Variants in C1orf185 observed in about 807,000 individuals in gnomAD.
C1orf185 encodes the protein chromosome 1 open reading frame 185, also known as uncharacterized protein C1orf185.
In C1orf185, 13 loss-of-function variants were observed where a neutral mutation model predicts 16.1. The observed-to-expected ratio is 0.81, with a 90% CI of 0.53 to 1.28. The LOEUF is 1.28. Ranked by LOEUF, C1orf185 falls within the 50% of genes most tolerant of loss-of-function variation. The pLI is 0.00. For synonymous variants in C1orf185, 80 were observed against 76.9 expected, an observed-to-expected ratio of 1.04 and a Z score of -0.21; for missense variants, 220 against 225.2, an observed-to-expected ratio of 0.98 and a Z score of 0.15.
At chr1:51,110,253 T>C (rs1646106249) in intron 1 of C1orf185, among the ~76,000 whole-genome samples, 1 of 152,218 alleles carries the variant, frequency 6.6e-6, no homozygotes, top group East Asian at 1.9e-4. Flanking sequence ...TAAAGCACTT[T>C]GAATAGTGCC....
At position 51,147,512 on chromosome 1, in the gene C1orf185, A is replaced by G. The variant is rs552051806; in HGVS notation, c.341A>G (p.Asn114Ser). Reference protein sequence around the residue: ...SKDEPQLATKNIICDPSETSS... With the variant: ...SKDEPQLATKSIICDPSETSS... Reference sequence around the variant, plus strand: ...GATGAACCCCAACTTGCAACAAAAAATATCATTTGTGATCCCTCAGAGACC... The same window carrying G: ...GATGAACCCCAACTTGCAACAAAAAGTATCATTTGTGATCCCTCAGAGACC... Residue 114 changes from asparagine (N) to serine (S), a missense_variant, in exon 5 of 5, where the codon AAT becomes AGT. Asn to Ser is a conservative substitution (Grantham distance 46). Coordinates refer to ENST00000371759, the MANE Select transcript of C1orf185 (RefSeq NM_001136508.2). The G allele has an allele frequency of 2.2e-4, 333 of 1,544,002 alleles. 1 individual carries two copies. The highest frequency in any genetic ancestry group is 8.2e-4 in the Admixed American group (40 of 48,870).
intron 2 of C1orf185, among the ~76,000 whole-genome samples, chr1:51,116,399 C>T (rs1346612792): frequency 1.3e-5 from 2 of 151,402 alleles, no homozygotes; most frequent in African/African-American, 4.9e-5. Context: ...CTGCAACCTC[C>T]GCCTCCCAGG....
rs576034643 is a variant in C1orf185 at position 51,135,586 on chromosome 1, C to G, written c.259-10138C>G. ...GATTATTTCAATAGATGCCGAAAAG[C>G]CTTTCAATAAAATTTAACACAACTT... On this transcript the variant is annotated intron_variant, in intron 3 of 4. Coordinates refer to ENST00000371759, the MANE Select transcript of C1orf185 (RefSeq NM_001136508.2). 2.0e-5 allele frequency among the ~76,000 whole-genome samples: 3 copies of G among 152,164 alleles called. No homozygotes were observed. The East Asian group carries it at 5.8e-4, about 29-fold the overall frequency.
chr1:51,112,638 T>G (rs927961506), intron 2 of C1orf185, 69 bp downstream of exon 2: 1 of 1,343,778 alleles, frequency 7.4e-7, no homozygotes, highest in Middle Eastern at 2.1e-4. Context: ...CTTTTTCAAA[T>G]GGAAGTAAAC....
intron 3 of C1orf185, among the ~76,000 whole-genome samples, chr1:51,137,867 AG>A (rs1646337794): frequency 6.6e-6 from 1 of 152,244 alleles, no homozygotes; most frequent in Non-Finnish European, 1.5e-5. Context: ...AATACTATGC[AG>A]CCATAAAAAA....
rs201997222 is a variant in C1orf185 at position 51,112,583 on chromosome 1, G to A, written c.122+14G>A. 8.6e-5 allele frequency: 130 copies of A among 1,509,224 alleles called. No homozygotes were observed. Among genetic ancestry groups the A allele is most frequent in the Non-Finnish European group, 1.1e-4 (121 of 1,126,946 alleles). The allele number at this position is 1,509,224 out of a possible 1,614,324, so 93.5% of individuals were successfully genotyped here. The stretch of plus-strand genomic sequence containing the variant: ...TTGCAAACGAAGGTAAGGATTATTC[G>A]AATATTTCTTTAACCTTTTTTTCTT... On this transcript the variant is annotated intron_variant, in intron 2 of 4. Transcript: ENST00000371759.
rs1280832809 is a variant in C1orf185, at chr1:51,147,456, T to A, written c.296-11T>A. 1 of 1,500,496 alleles carries A rather than the reference T, an allele frequency of 6.7e-7. No homozygotes were observed. The highest frequency in any genetic ancestry group is 2.5e-5 in the East Asian group (1 of 40,626). 92.9% of individuals were successfully genotyped at this position (1,500,496 alleles called of 1,614,324 possible). On this transcript the variant is annotated splice_polypyrimidine_tract_variant and intron_variant, in intron 4 of 4. Coordinates refer to ENST00000371759, the MANE Select transcript of C1orf185 (RefSeq NM_001136508.2). ...GAATATATAATATTCATAGTAAATC[T>A]GTTTTTACAGCAATTAAAGATCATT... is the stretch of plus-strand genomic sequence containing the variant.
At chr1:51,111,626 T>C (rs1462526133) in intron 1 of C1orf185, among the ~76,000 whole-genome samples, 1 of 151,776 alleles carries the variant, frequency 6.6e-6, no homozygotes, top group Non-Finnish European at 1.5e-5. Flanking sequence ...TTCCAGTGAT[T>C]CTCCTGCCTC....
chr1:51,114,318 C>T (rs1008221400), intron 2 of C1orf185, among the ~76,000 whole-genome samples: 6 of 152,218 alleles, frequency 3.9e-5, no homozygotes, highest in South Asian at 2.1e-4. Context: ...GCACCGTCAT[C>T]GTAATAGCTA....
In C1orf185 at chr1:51,119,739, G is replaced by T. The variant is rs186447580; in HGVS notation, c.258+938G>T. Among the ~76,000 whole-genome samples the T allele has an allele frequency of 3.9e-3, 597 of 152,314 alleles. 1 individual carries two copies. The highest frequency in any genetic ancestry group is 4.4e-3 in the Non-Finnish European group (300 of 68,018). ...CCTTTAAGTACAGGAGTTTGAAGTT[G>T]CAGTGAGCTATGACTGCGCTACTGC... is the stretch of plus-strand genomic sequence containing the variant. On this transcript the variant is annotated intron_variant, in intron 3 of 4. Coordinates refer to ENST00000371759, the MANE Select transcript of C1orf185 (RefSeq NM_001136508.2).
intron 2 of C1orf185, among the ~76,000 whole-genome samples, chr1:51,113,289 T>G (rs1646136275): frequency 6.6e-6 from 1 of 152,126 alleles, no homozygotes; most frequent in South Asian, 2.1e-4. Context: ...CTGAAAGTAG[T>G]CTTTTGCCAG....
downstream of C1orf185, among the ~76,000 whole-genome samples, chr1:51,150,763 C>T (rs551500789): frequency 5.3e-5 from 8 of 152,228 alleles, no homozygotes; most frequent in Non-Finnish European, 5.9e-5. Context: ...TAACAGTAGT[C>T]AGAGTTATCA....
chr1:51,148,330 C>T (rs1367769874), downstream of C1orf185, among the ~76,000 whole-genome samples: 1 of 152,074 alleles, frequency 6.6e-6, no homozygotes, highest in Admixed American at 6.6e-5. Flanking sequence ...ACCATGTTGG[C>T]CAGGCTAGTC....
rs2148035628 is a variant in C1orf185, at chr1:51,147,759, T to G, written c.588T>G (p.Asn196Lys). The G allele has an allele frequency of 6.6e-7, 1 of 1,516,228 alleles. No individual in the cohort carries two copies. The highest frequency in any genetic ancestry group is 8.8e-7 in the Non-Finnish European group (1 of 1,131,580). The allele number at this position is 1,516,228 out of a possible 1,614,324, so 93.9% of individuals were successfully genotyped here. A position where few individuals can be genotyped will look rare whatever the true frequency, so the allele number is the denominator to read the frequency against. ...SLEEGTESVLNDTL is the reference protein window; with the variant it reads ...SLEEGTESVLKDTL Reference sequence around the variant, plus strand: ...AAGAGGGTACTGAAAGTGTACTGAATGACACTTTATGACCATCAAAAAGAT... The same window carrying G: ...AAGAGGGTACTGAAAGTGTACTGAAGGACACTTTATGACCATCAAAAAGAT... The change falls in exon 5 of 5, where the codon AAT becomes AAG. Residue 196 changes from asparagine (N) to lysine (K), a missense_variant. Coordinates refer to ENST00000371759, the MANE Select transcript of C1orf185 (RefSeq NM_001136508.2).
At chr1:51,133,224 G>A (rs1646298348) in intron 3 of C1orf185, among the ~76,000 whole-genome samples, 5 of 152,128 alleles carry the variant, frequency 3.3e-5, no homozygotes, top group Admixed American at 2.0e-4. Flanking sequence ...AACCTTGAAT[G>A]CAACTGGGCT....
Position 51,147,753 on chromosome 1 carries a change from A to G in C1orf185, c.582A>G (p.Val194=), listed in dbSNP as rs1247332922. 2 of 1,539,822 alleles carry G rather than the reference A, an allele frequency of 1.3e-6. No individual in the cohort carries two copies. The highest frequency in any genetic ancestry group is 2.8e-5 in the African/African-American group (2 of 72,684). ...TISLEEGTES[V]LNDTL is the part of the protein sequence containing the mutation. ...CATTAGAAGAGGGTACTGAAAGTGT[A>G]CTGAATGACACTTTATGACCATCAA... Residue 194 remains valine (V), a synonymous_variant, in exon 5 of 5, where the codon GTA becomes GTG. Coordinates refer to ENST00000371759, the MANE Select transcript of C1orf185 (RefSeq NM_001136508.2).
chr1:51,147,812 A>G lies in C1orf185; in HGVS notation c.*41A>G, dbSNP rs1238187982. 5 of 1,413,042 alleles carry G rather than the reference A, an allele frequency of 3.5e-6. No homozygotes were observed. The highest frequency in any genetic ancestry group is 1.5e-5 in the African/African-American group (1 of 68,926). 87.5% of individuals were successfully genotyped at this position (1,413,042 alleles called of 1,614,324 possible). On this transcript the variant is annotated 3_prime_UTR_variant, in exon 5 of 5. Transcript: ENST00000371759. ...CTACATTAAGGGAAAATGTTCATGAAGAAACACAGAGGTTGAAATATAAAA... is the reference window on the plus strand; with the variant it reads ...CTACATTAAGGGAAAATGTTCATGAGGAAACACAGAGGTTGAAATATAAAA...
chr1:51,115,107 G>C (rs1646148581), intron 2 of C1orf185, among the ~76,000 whole-genome samples: 2 of 152,160 alleles, frequency 1.3e-5, no homozygotes. Context: ...CACTTTGGGA[G>C]GCTGAGGCGG....
chr1:51,134,823 CAAT>C (rs1208769360), intron 3 of C1orf185, among the ~76,000 whole-genome samples: 2 of 152,090 alleles, frequency 1.3e-5, no homozygotes, highest in African/African-American at 4.8e-5. Context: ...CTGAACAGAC[CAAT>C]AATAAGTTGT....
Sources: gnomAD v4.1 joint callset for allele counts (sites outside exome capture counted in the v4.1 genomes callset) on GRCh38, gnomAD v4.1.1 for gene constraint, MANE v1.5 for transcripts, NCBI Gene and HGNC (gene_info 2026-07-23, HGNC 2026-07-21) for gene names.